Variants in NALF1 observed in about 807,000 individuals in gnomAD.
NALF1 encodes family with sequence similarity 155 member A.
In NALF1, 3 loss-of-function variants were observed where a neutral mutation model predicts 48.4. The observed-to-expected ratio is 0.06, with a 90% CI of 0.03 to 0.16. NALF1 has a LOEUF of 0.16. Among genes scored for constraint, NALF1 ranks in the 10% least tolerant of loss-of-function variants. The pLI is 1.00. For missense variants in NALF1, 526 were observed against 571.5 expected, an observed-to-expected ratio of 0.92 and a Z score of 0.81; for synonymous variants, 262 against 245.7, an observed-to-expected ratio of 1.07 and a Z score of -0.62.
At chr13:107,353,643 C>A (rs1882912979) in intron 1 of NALF1, among the ~76,000 whole-genome samples, 1 of 152,162 alleles carries the variant, frequency 6.6e-6, no homozygotes, top group African/African-American at 2.4e-5. Context: ...GATCTGCCTG[C>A]TATAAGACTC....
chr13:107,862,938 T>A (rs1166335243), intron 1 of NALF1, among the ~76,000 whole-genome samples: 1 of 151,636 alleles, frequency 6.6e-6, no homozygotes, highest in East Asian at 1.9e-4. Context: ...TATAATAAAG[T>A]TAATATAGTT....
chr13:107,782,929 AC>A (rs1166611280), intron 1 of NALF1, among the ~76,000 whole-genome samples: 12 of 130,506 alleles, frequency 9.2e-5, no homozygotes, highest in African/African-American at 3.3e-4. Flanking sequence ...GGTGGGGGTC[AC>A]CCCCCGCCCG....
chr13:107,568,895 T>G lies in NALF1; in HGVS notation c.915+296787A>C, dbSNP rs150977123. On this transcript the variant is annotated intron_variant, in intron 1 of 2. Transcript: ENST00000375915. ...TTCTTCCAGTCTGTGATTTTATCTT[T>G]ATAACAGTCTTTTGCAGAACATTTT... 6.1e-3 allele frequency among the ~76,000 whole-genome samples: 933 copies of G among 152,334 alleles called. 7 individuals carry two copies. Among genetic ancestry groups the G allele is most frequent in the African/African-American group, 0.021 (855 of 41,562 alleles).
At chr13:107,183,386 CT>C (rs1325997297) in intron 2 of NALF1, among the ~76,000 whole-genome samples, 6 of 152,286 alleles carry the variant, frequency 3.9e-5, no homozygotes, top group African/African-American at 4.8e-5. Context: ...CACTTTTATA[CT>C]GTTGGCGGGA....
chr13:107,343,800 A>C (rs1328365866), intron 1 of NALF1, among the ~76,000 whole-genome samples: 2 of 152,206 alleles, frequency 1.3e-5, no homozygotes, highest in African/African-American at 4.8e-5. Context: ...TACCTAAAGG[A>C]ATTAGAAAAA....
chr13:107,781,398 T>C (rs1198054118), intron 1 of NALF1, among the ~76,000 whole-genome samples: 1 of 152,132 alleles, frequency 6.6e-6, no homozygotes, highest in East Asian at 1.9e-4. Flanking sequence ...GAGTATAATT[T>C]ACAGATTTTT....
chr13:107,254,251 A>G (rs1418198838), intron 1 of NALF1, among the ~76,000 whole-genome samples: 2 of 152,114 alleles, frequency 1.3e-5, no homozygotes, highest in Admixed American at 1.3e-4. Context: ...AACAGCATTA[A>G]CTTGCCACGG....
intron 1 of NALF1, among the ~76,000 whole-genome samples, chr13:107,455,280 GC>G (rs2139038358): frequency 6.6e-6 from 1 of 152,202 alleles, no homozygotes; most frequent in South Asian, 2.1e-4. Context: ...TTTCTTTATA[GC>G]AGTGTAAAAA....
intron 1 of NALF1, among the ~76,000 whole-genome samples, chr13:107,651,334 G>A (rs887286983): frequency 3.3e-5 from 5 of 152,134 alleles, no homozygotes; most frequent in African/African-American, 1.2e-4. Context: ...AAAACTCTGT[G>A]CTTTTCTAAT....
intron 1 of NALF1, among the ~76,000 whole-genome samples, chr13:107,366,932 C>T (rs41481747): frequency 0.38 from 58,224 of 151,950 alleles, 11,479 homozygotes; most frequent in African/African-American, 0.46. Context: ...TCTAGTCATA[C>T]GCCATTGGCC....
chr13:107,182,267 T>C (rs1879082046), intron 2 of NALF1, among the ~76,000 whole-genome samples: 3 of 151,666 alleles, frequency 2.0e-5, no homozygotes, highest in Admixed American at 1.3e-4. Context: ...TGTGTGTGTG[T>C]GTGTGTTGGT....
intron 1 of NALF1, among the ~76,000 whole-genome samples, chr13:107,613,683 A>G (rs1293108749): frequency 1.3e-5 from 2 of 152,206 alleles, no homozygotes; most frequent in East Asian, 3.8e-4. Flanking sequence ...CAAGGATTTA[A>G]TCCAGTTACT....
chr13:107,469,733 CTTTTTT>C (rs61241553), intron 1 of NALF1, among the ~76,000 whole-genome samples: 1,361 of 79,872 alleles, frequency 0.017, 15 homozygotes, highest in African/African-American at 0.068. Context: ...AACTGTGTAT[CTTTTTT>C]TTTTTTTTTT....
intron 1 of NALF1, among the ~76,000 whole-genome samples, chr13:107,737,572 A>G (rs1372617115): frequency 6.6e-6 from 1 of 152,138 alleles, no homozygotes; most frequent in East Asian, 1.9e-4. Context: ...TTTTTTCTTA[A>G]TCCAAAAAAA....
At chr13:107,183,323 C>T (rs533723455) in intron 2 of NALF1, among the ~76,000 whole-genome samples, 1 of 152,270 alleles carries the variant, frequency 6.6e-6, no homozygotes, top group East Asian at 1.9e-4. Context: ...AAAATCTGAA[C>T]ATTAAAAAGT....
chr13:107,381,146 ATATGTATT>A, intron 1 of NALF1, among the ~76,000 whole-genome samples: 1 of 148,110 alleles, frequency 6.8e-6, no homozygotes, highest in Middle Eastern at 3.5e-3. Context: ...ATTCATATAT[ATATGTATT>A]TAAAAGTTCG....
Position 107,404,921 on chromosome 13 carries a change from G to A in NALF1, c.916-194166C>T, listed in dbSNP as rs1168017712. Among the ~76,000 whole-genome samples, 3 of 152,066 alleles carry A rather than the reference G, an allele frequency of 2.0e-5. No homozygotes were observed. In the East Asian group the frequency reaches 5.8e-4, roughly 29 times the overall value. On this transcript the variant is annotated intron_variant, in intron 1 of 2. Transcript: ENST00000375915. ...AGTCACTCAATAAAGTTTCATCTATGTGTGCCTATGACAGTAAAGTTGCAA... is the reference window on the plus strand; with the variant it reads ...AGTCACTCAATAAAGTTTCATCTATATGTGCCTATGACAGTAAAGTTGCAA...
At chr13:107,280,906 A>T (rs1881374096) in intron 1 of NALF1, among the ~76,000 whole-genome samples, 1 of 152,248 alleles carries the variant, frequency 6.6e-6, no homozygotes, top group Non-Finnish European at 1.5e-5. Flanking sequence ...ATGATCAAAA[A>T]GAGAAAGTTG....
At position 107,427,755 on chromosome 13, in the gene NALF1, G is replaced by A. The variant is rs1794243822; in HGVS notation, c.916-217000C>T. The stretch of plus-strand genomic sequence containing the variant: ...TTTCCTTTTCAGACCCAATCACCAA[G>A]CTTCCTCTTTTGAGTAGCCTAACAA... On this transcript the variant is annotated intron_variant, in intron 1 of 2. Transcript: ENST00000375915. Among the ~76,000 whole-genome samples, 3 of 152,106 alleles carry A rather than the reference G, an allele frequency of 2.0e-5. No individual in the cohort carries two copies. The South Asian group carries it at 6.2e-4, about 32-fold the overall frequency.
Sources: allele counts gnomAD v4.1 joint callset (sites outside exome capture counted in the v4.1 genomes callset), GRCh38; gene constraint gnomAD v4.1.1; transcripts MANE v1.5; gene names NCBI Gene and HGNC (gene_info 2026-07-23, HGNC 2026-07-21).